Variants in CNOT9 observed in about 807,000 individuals in gnomAD.
The protein encoded by CNOT9 is CCR4-NOT transcription complex subunit 9.
Under a neutral mutation model 37.4 loss-of-function variants are expected in CNOT9, and 8 were observed. The observed-to-expected ratio is 0.21, with a 90% CI of 0.13 to 0.39. The LOEUF is 0.39. CNOT9 is among the 10% of genes least tolerant of loss of function. The pLI, the probability that CNOT9 is intolerant of heterozygous loss-of-function variation, is 1.00. For synonymous variants in CNOT9, 120 were observed against 137.6 expected, an observed-to-expected ratio of 0.87 and a Z score of 0.90; for missense variants, 154 against 365.3, an observed-to-expected ratio of 0.42 and a Z score of 4.71.
At chr2:218,590,296 T>G (rs998979449) in intron 5 of CNOT9, among the ~76,000 whole-genome samples, 1 of 152,240 alleles carries the variant, frequency 6.6e-6, no homozygotes, top group African/African-American at 2.4e-5. Flanking sequence ...CTTGAACTCC[T>G]AAGCTCAGGC....
In CNOT9 at chr2:218,595,934, A is replaced by G. The variant is rs1388527946; in HGVS notation, c.*1658A>G. 1 of 152,226 alleles carries G rather than the reference A, an allele frequency of 6.6e-6. No individual in the cohort carries two copies. Among genetic ancestry groups the G allele is most frequent in the Non-Finnish European group, 1.5e-5 (1 of 68,076 alleles). The allele number at this position is 152,226 out of a possible 1,614,324, so 9.4% of individuals were successfully genotyped here. ...GCACTTACTCCCCCTGCCTTCCAAG[A>G]TGAAGAGGAGAAGCAGGCCAACCCT... On this transcript the variant is annotated 3_prime_UTR_variant, in exon 8 of 8. Coordinates refer to ENST00000273064, the MANE Select transcript of CNOT9 (RefSeq NM_005444.3).
intron 1 of CNOT9, among the ~76,000 whole-genome samples, chr2:218,577,003 G>A (rs1694192369): frequency 6.6e-6 from 1 of 150,878 alleles, no homozygotes; most frequent in South Asian, 2.1e-4. Flanking sequence ...ATCAGATTTT[G>A]TCTTTCAGGC....
chr2:218,592,265 G>T lies in CNOT9; in HGVS notation c.541-39G>T. 1 of 1,459,824 alleles carries T rather than the reference G, an allele frequency of 6.9e-7. No homozygotes were observed. Among genetic ancestry groups the T allele is most frequent in the South Asian group, 1.2e-5 (1 of 85,630 alleles). 90.4% of individuals were successfully genotyped at this position (1,459,824 alleles called of 1,614,324 possible). On this transcript the variant is annotated intron_variant, in intron 5 of 7. Transcript: ENST00000273064. The surrounding 1 kb of genome is among the most constrained non-coding windows in gnomAD (Gnocchi z 4.1). ...AGTAGAAAATGAGAAGATTAAATCT[G>T]AGCAACTTTATAAACTCTTCGATTT...
At chr2:218,572,729 T>TTTTTG (rs935351093) in intron 1 of CNOT9, 5 of 982,986 alleles carry the variant, frequency 5.1e-6, no homozygotes, top group Middle Eastern at 5.2e-4. Flanking sequence ...AGGGGATGTG[T>TTTTTG]TTTTGTTTTG....
intron 1 of CNOT9, among the ~76,000 whole-genome samples, chr2:218,577,511 T>C (rs947129022): frequency 6.6e-5 from 10 of 152,162 alleles, no homozygotes; most frequent in African/African-American, 2.4e-4. Context: ...ATCTCACAAA[T>C]TGGAGTATTG....
At position 218,597,040 on chromosome 2, in the gene CNOT9, G is replaced by A. The variant is rs1694944181; in HGVS notation, c.*2764G>A. On this transcript the variant is annotated 3_prime_UTR_variant, in exon 8 of 8. Transcript: ENST00000273064. ...TGCTGCTTAAAGGCTAGGAAAAGGG[G>A]GATATACAAAGTTGTTGCTTTCAAA... The A allele has an allele frequency of 6.6e-6, 1 of 151,992 alleles. No homozygotes were observed. The highest frequency in any genetic ancestry group is 2.4e-5 in the African/African-American group (1 of 41,372). 9.4% of individuals were successfully genotyped at this position (151,992 alleles called of 1,614,324 possible). A position where few individuals can be genotyped will look rare whatever the true frequency, so the allele number is the denominator to read the frequency against.
rs960741057 is a variant in CNOT9, at chr2:218,592,959, A to G, written c.731+252A>G. On this transcript the variant is annotated intron_variant, in intron 7 of 7. Coordinates refer to ENST00000273064, the MANE Select transcript of CNOT9 (RefSeq NM_005444.3). The surrounding 1 kb of genome is among the most constrained non-coding windows in gnomAD (Gnocchi z 4.1). Reference sequence around the variant, plus strand: ...GAGAGTCTAGGCGATTCCAAAGGAAACCTTATGATGCATTACTCCTGTTGT... The same window carrying G: ...GAGAGTCTAGGCGATTCCAAAGGAAGCCTTATGATGCATTACTCCTGTTGT... The G allele has an allele frequency of 4.1e-6, 2 of 489,886 alleles. No homozygotes were observed. The highest frequency in any genetic ancestry group is 7.3e-6 in the Non-Finnish European group (2 of 274,968). The allele number at this position is 489,886 out of a possible 1,614,324, so 30.3% of individuals were successfully genotyped here. A position where few individuals can be genotyped will look rare whatever the true frequency, so the allele number is the denominator to read the frequency against.
intron 3 of CNOT9, among the ~76,000 whole-genome samples, chr2:218,583,947 G>A (rs1405782342): frequency 6.6e-6 from 1 of 152,168 alleles, no homozygotes; most frequent in East Asian, 1.9e-4. Flanking sequence ...AACAAAAAAA[G>A]AAGAATGTGC....
intron 2 of CNOT9, among the ~76,000 whole-genome samples, chr2:218,582,048 C>T (rs911149175): frequency 6.6e-6 from 1 of 151,868 alleles, no homozygotes; most frequent in Non-Finnish European, 1.5e-5. Flanking sequence ...TGCCACTGCA[C>T]TCTGCCTGGA....
chr2:218,587,703 C>T lies in CNOT9; in HGVS notation c.540+8C>T. The T allele has an allele frequency of 6.7e-7, 1 of 1,494,076 alleles. No individual in the cohort carries two copies. Among genetic ancestry groups the T allele is most frequent in the Non-Finnish European group, 9.2e-7 (1 of 1,087,094 alleles). The allele number at this position is 1,494,076 out of a possible 1,614,324, so 92.6% of individuals were successfully genotyped here. Reference sequence around the variant, plus strand: ...AGTGAACTTTCTAAAACAGTATGTACTTTTAACTTAGATTTTACATTGTGT... The same window carrying T: ...AGTGAACTTTCTAAAACAGTATGTATTTTTAACTTAGATTTTACATTGTGT... On this transcript the variant is annotated splice_region_variant and intron_variant, in intron 5 of 7. Coordinates refer to ENST00000273064, the MANE Select transcript of CNOT9 (RefSeq NM_005444.3).
intron 5 of CNOT9, chr2:218,589,185 G>A (rs576415932): frequency 6.6e-6 from 1 of 151,752 alleles, no homozygotes; most frequent in African/African-American, 2.4e-5. Context: ...CAGGTATAAT[G>A]ATTTTTTTGG....
chr2:218,592,524 A>G lies in CNOT9; in HGVS notation c.640-92A>G. The G allele has an allele frequency of 6.6e-7, 1 of 1,504,020 alleles. No homozygotes were observed. Among genetic ancestry groups the G allele is most frequent in the Non-Finnish European group, 9.3e-7 (1 of 1,079,808 alleles). The allele number at this position is 1,504,020 out of a possible 1,614,324, so 93.2% of individuals were successfully genotyped here. A position where few individuals can be genotyped will look rare whatever the true frequency, so the allele number is the denominator to read the frequency against. The stretch of plus-strand genomic sequence containing the variant: ...ACTAACAATTTTGGAACCTTTTATG[A>G]TTCTTGGACTATCTGATCTCTGATG... On this transcript the variant is annotated intron_variant, in intron 6 of 7. Transcript: ENST00000273064. This position sits in a 1 kb window ranked among gnomAD's most constrained non-coding sequence, Gnocchi z 4.1.
rs191373696 is a variant in CNOT9, at chr2:218,582,011, G to A, written c.205-960G>A. 3.2e-3 allele frequency among the ~76,000 whole-genome samples: 490 copies of A among 152,248 alleles called. 1 individual carries two copies. The highest frequency in any genetic ancestry group is 0.011 in the African/African-American group (471 of 41,542). ...GTAGGAGGATCAATTGAGCCCAGGA[G>A]GTGGAGGCTGCAGTGAGCCATGATC... is the stretch of plus-strand genomic sequence containing the variant. On this transcript the variant is annotated intron_variant, in intron 2 of 7. Transcript: ENST00000273064.
intron 4 of CNOT9, among the ~76,000 whole-genome samples, chr2:218,585,881 G>C (rs1399667571): frequency 6.6e-6 from 1 of 151,914 alleles, no homozygotes; most frequent in Non-Finnish European, 1.5e-5. Context: ...GGCTCAAGTG[G>C]TTCTCCCACC....
At position 218,592,765 on chromosome 2, in the gene CNOT9, A is replaced by G. The variant is rs944495387; in HGVS notation, c.731+58A>G. ...GAAATACTCTGCTGAACAGTTTCCT[A>G]ATCTCATGGCATAGCTCCTGTGTCT... On this transcript the variant is annotated intron_variant, in intron 7 of 7. Transcript: ENST00000273064. This position sits in a 1 kb window ranked among gnomAD's most constrained non-coding sequence, Gnocchi z 4.1. 1.4e-5 allele frequency: 19 copies of G among 1,353,338 alleles called. No homozygotes were observed. In the Admixed American group the frequency reaches 1.8e-4, roughly 13 times the overall value. 83.8% of individuals were successfully genotyped at this position (1,353,338 alleles called of 1,614,324 possible).
At chr2:218,588,549 A>T (rs1318410648) in intron 5 of CNOT9, among the ~76,000 whole-genome samples, 1 of 139,614 alleles carries the variant, frequency 7.2e-6, no homozygotes, top group East Asian at 2.2e-4. Flanking sequence ...TCAGCCTCCC[A>T]AAGTGCTGGG....
intron 1 of CNOT9, among the ~76,000 whole-genome samples, chr2:218,579,486 T>C (rs1694290694): frequency 6.6e-6 from 1 of 152,294 alleles, no homozygotes; most frequent in East Asian, 1.9e-4. Context: ...ACTTGTTTGT[T>C]TTCTGCATTT....
At chr2:218,569,292 C>A (rs1040228982) in intron 1 of CNOT9, among the ~76,000 whole-genome samples, 3 of 152,214 alleles carry the variant, frequency 2.0e-5, no homozygotes, top group Non-Finnish European at 4.4e-5. Flanking sequence ...CAGTTGTGTT[C>A]TGGGCGCCGG....
chr2:218,594,225 G>T lies in CNOT9; in HGVS notation c.849G>T (p.Leu283=), dbSNP rs1694865188. 1 of 1,614,214 alleles carries T rather than the reference G, an allele frequency of 6.2e-7. No individual in the cohort carries two copies. The highest frequency in any genetic ancestry group is 1.3e-5 in the African/African-American group (1 of 75,074). ...KRWLAQLVKN[L]QEGQVTDPRG... The stretch of plus-strand genomic sequence containing the variant: ...GGCTTGCACAACTGGTGAAGAACCT[G>T]CAAGAGGGCCAGGTCACCGATCCCC... The change falls in exon 8 of 8, where the codon CTG becomes CTT. Residue 283 remains leucine, a synonymous_variant. Coordinates refer to ENST00000273064, the MANE Select transcript of CNOT9 (RefSeq NM_005444.3).
Sources: gnomAD v4.1 joint callset for allele counts (sites outside exome capture counted in the v4.1 genomes callset) on GRCh38, gnomAD v4.1.1 for gene constraint, Gnocchi (gnomAD v3.1) non-coding constraint, MANE v1.5 for transcripts, NCBI Gene and HGNC (gene_info 2026-07-23, HGNC 2026-07-21) for gene names.